USH2A: variants seen among roughly 807,000 people sequenced by gnomAD.
The protein encoded by USH2A is Usher syndrome 2A (autosomal recessive, mild).
USH2A carries 443 observed loss-of-function variants against 538.9 expected under a neutral mutation model. That is an observed-to-expected ratio of 0.82 (90% CI 0.76 to 0.89). The LOEUF (loss-of-function observed/expected upper bound fraction) is 0.89. Ranked by LOEUF, USH2A falls within the 40% of genes least tolerant of loss-of-function variation. The pLI is 0.00. For missense variants in USH2A, 6,633 were observed against 6,324.8 expected, an observed-to-expected ratio of 1.05 and a Z score of -1.65; for synonymous variants, 2,413 against 2,273.5, an observed-to-expected ratio of 1.06 and a Z score of -1.75.
At chr1:216,190,501 T>G in intron 19 of USH2A, 134 bp from the exon 20 acceptor site, 1 of 1,208,308 alleles carries the variant, frequency 8.3e-7, no homozygotes, top group Non-Finnish European at 1.1e-6. Flanking sequence ...GAAAAGGGTT[T>G]TTTTTTTTTT....
intron 14 of USH2A, among the ~76,000 whole-genome samples, chr1:216,228,444 C>T (rs2035605659): frequency 6.6e-6 from 1 of 152,144 alleles, no homozygotes; most frequent in South Asian, 2.1e-4. Flanking sequence ...GTAACTCCCA[C>T]AATTCCCATG....
At chr1:216,066,168 C>T (rs1027946842) in intron 30 of USH2A, among the ~76,000 whole-genome samples, 1 of 151,766 alleles carries the variant, frequency 6.6e-6, no homozygotes, top group Admixed American at 6.6e-5. Flanking sequence ...GCTTTTTGGG[C>T]AGTGTAAAAA....
chr1:215,929,629 GA>G (rs2102495336), intron 38 of USH2A, among the ~76,000 whole-genome samples: 1 of 152,110 alleles, frequency 6.6e-6, no homozygotes, highest in East Asian at 1.9e-4. Flanking sequence ...AAAGAGGTAG[GA>G]AGCACCAAAT....
chr1:216,076,353 T>C (rs1230428719), intron 27 of USH2A, among the ~76,000 whole-genome samples: 3 of 152,188 alleles, frequency 2.0e-5, no homozygotes, highest in Admixed American at 6.5e-5. Flanking sequence ...GACTTAGTCA[T>C]AGTGTGTAGG....
At chr1:215,925,870 A>G (rs1666225385) in intron 38 of USH2A, among the ~76,000 whole-genome samples, 1 of 152,178 alleles carries the variant, frequency 6.6e-6, no homozygotes, top group Non-Finnish European at 1.5e-5. Flanking sequence ...GTACTCGGCA[A>G]GCAAGCTTTC....
chr1:216,130,158 C>A (rs2033340993), intron 21 of USH2A, among the ~76,000 whole-genome samples: 2 of 151,808 alleles, frequency 1.3e-5, no homozygotes, highest in Admixed American at 1.3e-4. Flanking sequence ...GCAAAAATTT[C>A]TTTTATTTTT....
intron 15 of USH2A, among the ~76,000 whole-genome samples, chr1:216,214,759 G>A (rs997120504): frequency 4.6e-5 from 7 of 151,920 alleles, no homozygotes; most frequent in Non-Finnish European, 8.8e-5. Context: ...GGCAAGGAGA[G>A]ATAAAGAAAA....
chr1:216,062,215 A>G (rs1375568783), intron 30 of USH2A, among the ~76,000 whole-genome samples: 2 of 152,208 alleles, frequency 1.3e-5, no homozygotes, highest in African/African-American at 2.4e-5. Context: ...CACGAGTTGC[A>G]TGCCATTAAT....
chr1:215,647,496 T>G, intron 67 of USH2A, 26 bp downstream of exon 67: 1 of 1,612,924 alleles, frequency 6.2e-7, no homozygotes. Flanking sequence ...TCTCTCTGGC[T>G]TATGGTAGCA....
intron 44 of USH2A, among the ~76,000 whole-genome samples, chr1:215,850,215 T>C (rs1663979782): frequency 6.6e-6 from 1 of 152,080 alleles, no homozygotes; most frequent in South Asian, 2.1e-4. Context: ...AGTAACAGCA[T>C]ATTAAGTTCT....
chr1:216,133,991 A>G (rs997441318), intron 21 of USH2A, among the ~76,000 whole-genome samples: 7 of 152,068 alleles, frequency 4.6e-5, no homozygotes, highest in African/African-American at 1.7e-4. Context: ...GGATGATTGG[A>G]TCTATCATGT....
chr1:216,212,848 T>G (rs192663349), intron 15 of USH2A, among the ~76,000 whole-genome samples: 237 of 152,238 alleles, frequency 1.6e-3, no homozygotes, highest in Non-Finnish European at 2.9e-3. Flanking sequence ...ATAAATGGCT[T>G]ATTTGGCAAT....
chr1:215,789,065 A>T (rs1661898045), intron 51 of USH2A, among the ~76,000 whole-genome samples: 1 of 152,204 alleles, frequency 6.6e-6, no homozygotes, highest in South Asian at 2.1e-4. Flanking sequence ...CCAGACTGGA[A>T]CAGGATATAA....
At chr1:216,410,627 G>C (rs893317440) in intron 3 of USH2A, among the ~76,000 whole-genome samples, 3 of 151,800 alleles carry the variant, frequency 2.0e-5, no homozygotes, top group African/African-American at 7.3e-5. Context: ...AATTTCTATA[G>C]TTGAGAATTA....
intron 3 of USH2A, among the ~76,000 whole-genome samples, chr1:216,413,602 A>G (rs1476537019): frequency 6.6e-6 from 1 of 152,080 alleles, no homozygotes; most frequent in Non-Finnish European, 1.5e-5. Flanking sequence ...TCCTTCATAT[A>G]TTGATTCCTA....
intron 13 of USH2A, among the ~76,000 whole-genome samples, chr1:216,237,520 A>T (rs530555542): frequency 6.6e-6 from 1 of 151,264 alleles, no homozygotes; most frequent in African/African-American, 2.4e-5. Flanking sequence ...AAAAAGAAAG[A>T]AAAAGAAAAA....
intron 40 of USH2A, among the ~76,000 whole-genome samples, chr1:215,892,431 T>C (rs1213550208): frequency 6.6e-6 from 1 of 152,192 alleles, no homozygotes. Context: ...AAAATCAAAG[T>C]GGCAAATATA....
chr1:215,901,579 T>C (rs1409843665), intron 38 of USH2A: 1 of 155,318 alleles, frequency 6.4e-6, no homozygotes, highest in Non-Finnish European at 1.4e-5. Flanking sequence ...AGTTGGAACA[T>C]GCATACCACT....
chr1:216,327,694 T>C (rs1231832086), intron 4 of USH2A, 40 bp from the exon 5 acceptor site: 1 of 1,608,902 alleles, frequency 6.2e-7, no homozygotes, highest in Admixed American at 1.7e-5. Context: ...GAAGTCTCTG[T>C]TTACCAAGCA....
Sources: gnomAD v4.1 joint callset for allele counts (sites outside exome capture counted in the v4.1 genomes callset) on GRCh38, gnomAD v4.1.1 for gene constraint, MANE v1.5 for transcripts, NCBI Gene and HGNC (gene_info 2026-07-23, HGNC 2026-07-21) for gene names.